The following ACTR3 variants were observed in gnomAD, a reference collection of about 807,000 sequenced individuals.
ACTR3 encodes the protein actin-related protein 3.
A neutral mutation model predicts 56.8 loss-of-function variants in ACTR3; 12 were observed. That is an observed-to-expected ratio of 0.21 (90% CI 0.14 to 0.34). ACTR3 has a LOEUF of 0.34. Ranked by LOEUF, ACTR3 falls within the 10% of genes least tolerant of loss-of-function variation. The pLI is 1.00. For synonymous variants in ACTR3, 162 were observed against 167.4 expected, an observed-to-expected ratio of 0.97 and a Z score of 0.25; for missense variants, 282 against 512.5, an observed-to-expected ratio of 0.55 and a Z score of 4.34.
At chr2:113,954,265 A>G (rs772327350) in intron 10 of ACTR3, 13 of 151,856 alleles carry the variant, frequency 8.6e-5, no homozygotes, top group South Asian at 4.1e-4. Context: ...ATAAGAATCT[A>G]ATGAGGAGAC....
rs141317503 is a variant in ACTR3, at chr2:113,931,415, T to C, written c.432+19T>C. 1.7e-5 allele frequency: 25 copies of C among 1,493,832 alleles called. No individual in the cohort carries two copies. The African/African-American group carries it at 2.6e-4, about 15-fold the overall frequency. 92.5% of individuals were successfully genotyped at this position (1,493,832 alleles called of 1,614,324 possible). A position where few individuals can be genotyped will look rare whatever the true frequency, so the allele number is the denominator to read the frequency against. ...TGTGCAGGTAAGCAAGTTCATACTTTCTAAGTTTGATTCTTACATTTTAAC... is the reference window on the plus strand; with the variant it reads ...TGTGCAGGTAAGCAAGTTCATACTTCCTAAGTTTGATTCTTACATTTTAAC... On this transcript the variant is annotated intron_variant, in intron 5 of 11. Coordinates refer to ENST00000263238, the MANE Select transcript of ACTR3 (RefSeq NM_005721.5).
In ACTR3 at chr2:113,960,695, C is replaced by G. The variant is rs141602939; in HGVS notation, c.*3240C>G. The G allele has an allele frequency of 3.5e-4, 53 of 152,040 alleles. No homozygotes were observed. Among genetic ancestry groups the G allele is most frequent in the African/African-American group, 1.2e-3 (50 of 41,516 alleles). 9.4% of individuals were successfully genotyped at this position (152,040 alleles called of 1,614,324 possible). ...TTTTCTTACCAGCTCAACCTTGATT[C>G]CTGTGACCCATTCTTTCTGATCTTT... On this transcript the variant is annotated 3_prime_UTR_variant, in exon 12 of 12. Coordinates refer to ENST00000263238, the MANE Select transcript of ACTR3 (RefSeq NM_005721.5).
chr2:113,939,092 C>T (rs976965745), intron 6 of ACTR3, among the ~76,000 whole-genome samples: 45 of 151,244 alleles, frequency 3.0e-4, no homozygotes, highest in African/African-American at 1.1e-3. Flanking sequence ...GGTGCGATCT[C>T]GACTCACTGC....
At chr2:113,922,631 A>G (rs1042605532) in intron 3 of ACTR3, among the ~76,000 whole-genome samples, 1 of 40,716 alleles carries the variant, frequency 2.5e-5, no homozygotes, top group Non-Finnish European at 5.3e-5. Context: ...ATGACTATGA[A>G]TTCTTAGTCT....
chr2:113,946,803 A>G (rs576951971), intron 8 of ACTR3, among the ~76,000 whole-genome samples: 2 of 152,288 alleles, frequency 1.3e-5, no homozygotes, highest in East Asian at 3.9e-4. Context: ...TTTTGTTTGT[A>G]CAGTCATTTA....
chr2:113,890,663 C>G lies in ACTR3; in HGVS notation c.44+340C>G, dbSNP rs1678872038. On this transcript the variant is annotated intron_variant, in intron 1 of 11. Coordinates refer to ENST00000263238, the MANE Select transcript of ACTR3 (RefSeq NM_005721.5). The stretch of plus-strand genomic sequence containing the variant: ...TCGTCTTGGGGGTGGTCCCCGGGCC[C>G]GACCCATCCGGCTTTCCTTTCCCTC... 3.3e-6 allele frequency: 4 copies of G among 1,194,638 alleles called. No homozygotes were observed. In the South Asian group the frequency reaches 9.7e-5, roughly 29 times the overall value. 74.0% of individuals were successfully genotyped at this position (1,194,638 alleles called of 1,614,324 possible).
At chr2:113,891,576 T>G (rs1436965226) in intron 1 of ACTR3, among the ~76,000 whole-genome samples, 1 of 151,966 alleles carries the variant, frequency 6.6e-6, no homozygotes, top group African/African-American at 2.4e-5. Flanking sequence ...CCAGTTTTTT[T>G]TTTTTGAGGG....
At position 113,919,256 on chromosome 2, in the gene ACTR3, T is replaced by A. The variant is rs1160477480; in HGVS notation, c.225+2248T>A. Reference sequence around the variant, plus strand: ...CATTGCTTAAATTTCTTTGATTATTTACTATATTGGTTATTCTGTTTGAAT... The same window carrying A: ...CATTGCTTAAATTTCTTTGATTATTAACTATATTGGTTATTCTGTTTGAAT... On this transcript the variant is annotated intron_variant, in intron 3 of 11. Coordinates refer to ENST00000263238, the MANE Select transcript of ACTR3 (RefSeq NM_005721.5). 2.6e-5 allele frequency among the ~76,000 whole-genome samples: 4 copies of A among 152,226 alleles called. No homozygotes were observed. The East Asian group carries it at 7.7e-4, about 29-fold the overall frequency.
rs541515620 is a variant in ACTR3 at position 113,933,046 on chromosome 2, A to T, written c.433-1233A>T. ...GTTTTTTAAAAAATGAACTATGTTAATTTCTTAATTCTCACACTTAAAAAA... is the reference window on the plus strand; with the variant it reads ...GTTTTTTAAAAAATGAACTATGTTATTTTCTTAATTCTCACACTTAAAAAA... On this transcript the variant is annotated intron_variant, in intron 5 of 11. Coordinates refer to ENST00000263238, the MANE Select transcript of ACTR3 (RefSeq NM_005721.5). Among the ~76,000 whole-genome samples, 320 of 152,282 alleles carry T rather than the reference A, an allele frequency of 2.1e-3. 1 individual carries two copies. Among genetic ancestry groups the T allele is most frequent in the African/African-American group, 7.3e-3 (305 of 41,550 alleles).
At chr2:113,900,287 G>A (rs554487067) in intron 1 of ACTR3, among the ~76,000 whole-genome samples, 3 of 152,100 alleles carry the variant, frequency 2.0e-5, no homozygotes, top group Non-Finnish European at 2.9e-5. Flanking sequence ...GTCACTCTCC[G>A]TTACCTCTAC....
At chr2:113,902,174 A>G (rs1225962491) in intron 1 of ACTR3, among the ~76,000 whole-genome samples, 2 of 152,152 alleles carry the variant, frequency 1.3e-5, no homozygotes, top group Non-Finnish European at 2.9e-5. Flanking sequence ...TACTGTTGTG[A>G]CAGACTCGCC....
intron 1 of ACTR3, among the ~76,000 whole-genome samples, chr2:113,899,331 A>G (rs943389463): frequency 1.1e-4 from 17 of 152,104 alleles, no homozygotes; most frequent in African/African-American, 4.1e-4. Flanking sequence ...TATTTTACTC[A>G]CTATGTATTA....
At chr2:113,944,908 T>C (rs1679989005) in intron 8 of ACTR3, among the ~76,000 whole-genome samples, 1 of 152,150 alleles carries the variant, frequency 6.6e-6, no homozygotes, top group Non-Finnish European at 1.5e-5. Context: ...AACTTTTAGT[T>C]GTGCAATAGT....
intron 1 of ACTR3, among the ~76,000 whole-genome samples, chr2:113,899,163 C>T (rs1003074524): frequency 6.6e-6 from 1 of 152,070 alleles, no homozygotes; most frequent in South Asian, 2.1e-4. Flanking sequence ...TTGCTTACTG[C>T]TTATTTGAGT....
intron 3 of ACTR3, among the ~76,000 whole-genome samples, chr2:113,927,096 T>A (rs973057918): frequency 6.6e-6 from 1 of 152,212 alleles, no homozygotes; most frequent in African/African-American, 2.4e-5. Flanking sequence ...TCCATGTAGA[T>A]TTAACAGTTT....
At chr2:113,939,742 G>C (rs545571867) in intron 6 of ACTR3, among the ~76,000 whole-genome samples, 1 of 152,178 alleles carries the variant, frequency 6.6e-6, no homozygotes, top group South Asian at 2.1e-4. Context: ...AGTTATTTTA[G>C]TCATAGTTAT....
intron 1 of ACTR3, among the ~76,000 whole-genome samples, chr2:113,909,838 A>G (rs1679269943): frequency 6.6e-6 from 1 of 152,188 alleles, no homozygotes; most frequent in Non-Finnish European, 1.5e-5. Flanking sequence ...ATAATTGTTC[A>G]TGTGGATGGG....
intron 8 of ACTR3, among the ~76,000 whole-genome samples, chr2:113,948,872 A>G (rs1436315503): frequency 1.8e-5 from 2 of 110,300 alleles, no homozygotes; most frequent in African/African-American, 1.1e-4. Flanking sequence ...GTCGGTTCCC[A>G]GTATAGAGTT....
intron 10 of ACTR3, 161 bp downstream of exon 10, chr2:113,952,006 G>A: frequency 1.1e-6 from 1 of 922,890 alleles, no homozygotes; most frequent in Non-Finnish European, 1.6e-6. Context: ...GTGATATTCT[G>A]GATCATTTGA....
Sources: allele counts gnomAD v4.1 joint callset (sites outside exome capture counted in the v4.1 genomes callset), GRCh38; gene constraint gnomAD v4.1.1; transcripts MANE v1.5; gene names NCBI Gene and HGNC (gene_info 2026-07-23, HGNC 2026-07-21).